The following NRXN3 variants were observed in gnomAD, a reference collection of about 807,000 sequenced individuals.
The protein encoded by NRXN3 is neurexin III.
A neutral mutation model predicts 137.6 loss-of-function variants in NRXN3; 32 were observed. The observed-to-expected ratio is 0.23, with a 90% CI of 0.18 to 0.31. The LOEUF is 0.31. NRXN3 is among the 10% of genes least tolerant of loss of function. The pLI, the probability that NRXN3 is intolerant of heterozygous loss-of-function variation, is 1.00. For synonymous variants in NRXN3, 798 were observed against 784.5 expected (o/e 1.02, Z -0.29); for missense variants, 1,574 against 2,062.5 (o/e 0.76, Z 4.59).
At chr14:78,252,603 G>T (rs1452505263) in intron 2 of NRXN3, among the ~76,000 whole-genome samples, 1 of 152,190 alleles carries the variant, frequency 6.6e-6, no homozygotes, top group East Asian at 1.9e-4. Flanking sequence ...TCTTGAAGTT[G>T]TTCTGTTTGC....
chr14:79,689,367 A>C (rs182570546), intron 17 of NRXN3, among the ~76,000 whole-genome samples: 1 of 152,218 alleles, frequency 6.6e-6, no homozygotes. Flanking sequence ...GGGGCAAATA[A>C]CTCATTCTCA....
intron 4 of NRXN3, among the ~76,000 whole-genome samples, chr14:78,305,226 A>G (rs1182662786): frequency 6.6e-6 from 1 of 152,034 alleles, no homozygotes; most frequent in Non-Finnish European, 1.5e-5. Context: ...GGGTATGGAG[A>G]ATGCAGAGAA....
chr14:79,446,154 A>G (rs557645578), intron 15 of NRXN3, among the ~76,000 whole-genome samples: 117 of 152,308 alleles, frequency 7.7e-4, no homozygotes, highest in Admixed American at 1.8e-3. Context: ...TAGAGTTTAT[A>G]TGATAAAAAT....
chr14:78,479,189 C>T (rs530644569), intron 4 of NRXN3, among the ~76,000 whole-genome samples: 1 of 152,290 alleles, frequency 6.6e-6, no homozygotes, highest in East Asian at 1.9e-4. Flanking sequence ...ATGCCCAGGA[C>T]CTTCCCCCAC....
chr14:78,332,310 T>C (rs2080914690), intron 4 of NRXN3, among the ~76,000 whole-genome samples: 1 of 108,176 alleles, frequency 9.2e-6, no homozygotes, highest in African/African-American at 3.5e-5. Flanking sequence ...ATATTTTCTT[T>C]TCTTCTTCTT....
chr14:78,514,428 A>G (rs537925694), intron 4 of NRXN3, among the ~76,000 whole-genome samples: 4 of 152,216 alleles, frequency 2.6e-5, no homozygotes, highest in African/African-American at 9.6e-5. Flanking sequence ...TCTTGGGTGG[A>G]ATCACAAAGT....
intron 8 of NRXN3, among the ~76,000 whole-genome samples, chr14:78,784,740 T>C (rs1267532315): frequency 6.6e-6 from 1 of 152,070 alleles, no homozygotes; most frequent in African/African-American, 2.4e-5. Context: ...GTCTAGTTAG[T>C]AGACAGAGGA....
At chr14:79,621,777 C>T (rs556715025) in intron 16 of NRXN3, among the ~76,000 whole-genome samples, 1 of 152,126 alleles carries the variant, frequency 6.6e-6, no homozygotes, top group Non-Finnish European at 1.5e-5. Flanking sequence ...TATAGCATGA[C>T]AAAAATAGGA....
chr14:79,431,320 A>G (rs1234378950), intron 15 of NRXN3, among the ~76,000 whole-genome samples: 2 of 152,148 alleles, frequency 1.3e-5, no homozygotes, highest in African/African-American at 4.8e-5. Flanking sequence ...CTTGACCTAT[A>G]TGACTTTCAA....
chr14:79,464,046 T>C (rs2096388484), intron 15 of NRXN3, among the ~76,000 whole-genome samples: 1 of 152,128 alleles, frequency 6.6e-6, no homozygotes, highest in Non-Finnish European at 1.5e-5. Flanking sequence ...TTAAAAACCA[T>C]GCAAGATGGC....
chr14:78,732,060 C>T (rs1468747717), intron 8 of NRXN3, among the ~76,000 whole-genome samples: 1 of 82,436 alleles, frequency 1.2e-5, no homozygotes, highest in African/African-American at 3.9e-5. Context: ...TACTACATTC[C>T]TTTTGGCTCC....
chr14:79,079,975 G>A (rs1228450765), intron 15 of NRXN3, among the ~76,000 whole-genome samples: 1 of 152,116 alleles, frequency 6.6e-6, no homozygotes, highest in Non-Finnish European at 1.5e-5. Context: ...GAGACAGAGT[G>A]AGACTCCATC....
chr14:78,715,177 TGGG>T (rs2098425617), intron 8 of NRXN3, 38 bp downstream of exon 8: 1 of 1,582,034 alleles, frequency 6.3e-7, no homozygotes. Flanking sequence ...AGGGCCTGAG[TGGG>T]GCTGATGTGT....
At chr14:79,671,167 AT>A (rs1238115981) in intron 17 of NRXN3, among the ~76,000 whole-genome samples, 1 of 152,014 alleles carries the variant, frequency 6.6e-6, no homozygotes, top group African/African-American at 2.4e-5. Flanking sequence ...TCTTATTCCC[AT>A]TTTTTTAGAT....
intron 4 of NRXN3, among the ~76,000 whole-genome samples, chr14:78,497,361 C>T (rs2095802016): frequency 6.6e-6 from 1 of 152,078 alleles, no homozygotes; most frequent in Non-Finnish European, 1.5e-5. Flanking sequence ...TATAAATCTG[C>T]CTTGCCATCT....
At chr14:79,117,789 A>G (rs187224864) in intron 15 of NRXN3, among the ~76,000 whole-genome samples, 5 of 152,330 alleles carry the variant, frequency 3.3e-5, no homozygotes, top group African/African-American at 9.6e-5. Flanking sequence ...AGGAGACACC[A>G]CCTTTCAAGG....
chr14:78,713,100 C>T (rs896414484), intron 7 of NRXN3, among the ~76,000 whole-genome samples: 1 of 152,166 alleles, frequency 6.6e-6, no homozygotes, highest in Non-Finnish European at 1.5e-5. Flanking sequence ...CCTTAATTTT[C>T]CAGTTCGGGA....
intron 16 of NRXN3, among the ~76,000 whole-genome samples, chr14:79,624,291 A>C (rs2098257713): frequency 1.3e-5 from 2 of 152,228 alleles, no homozygotes; most frequent in African/African-American, 4.8e-5. Context: ...CAAGGTATCA[A>C]CATGATATCT....
intron 15 of NRXN3, among the ~76,000 whole-genome samples, chr14:79,323,872 A>T (rs1229062625): frequency 6.6e-6 from 1 of 152,174 alleles, no homozygotes; most frequent in Non-Finnish European, 1.5e-5. Flanking sequence ...AAAAAAAATT[A>T]TATAGTATAA....
Sources: allele counts gnomAD v4.1 joint callset (sites outside exome capture counted in the v4.1 genomes callset), GRCh38; gene constraint gnomAD v4.1.1; transcripts MANE v1.5; gene names NCBI Gene and HGNC (gene_info 2026-07-23, HGNC 2026-07-21).